Variants in MECOM observed in about 807,000 individuals in gnomAD.
MECOM encodes the protein MDS1 and EVI1 complex locus.
MECOM carries 13 observed loss-of-function variants against 116.3 expected under a neutral mutation model. The ratio of observed to expected loss-of-function variants is 0.11; its 90% confidence interval spans 0.07 to 0.18. MECOM has a LOEUF of 0.18. Ranked by LOEUF, MECOM falls within the 10% of genes least tolerant of loss-of-function variation. The pLI is 1.00. For synonymous variants in MECOM, 528 were observed against 535.2 expected (o/e 0.99, Z 0.19); for missense variants, 1,299 against 1,509.0 (o/e 0.86, Z 2.31).
intron 1 of MECOM, among the ~76,000 whole-genome samples, chr3:169,472,704 A>G (rs78177082): frequency 0.015 from 1,817 of 125,288 alleles, 104 homozygotes; most frequent in African/African-American, 0.056. Context: ...GAAGGGAAGG[A>G]AAGGAAGAAA....
intron 1 of MECOM, among the ~76,000 whole-genome samples, chr3:169,438,555 T>C (rs1409633974): frequency 1.3e-5 from 2 of 152,218 alleles, no homozygotes; most frequent in Non-Finnish European, 2.9e-5. Flanking sequence ...CAGTCATTTG[T>C]TGAGAGCTTA....
intron 1 of MECOM, among the ~76,000 whole-genome samples, chr3:169,535,509 C>T (rs369068295): frequency 7.2e-5 from 11 of 152,174 alleles, no homozygotes; most frequent in African/African-American, 1.9e-4. Context: ...ATCCTAAAGT[C>T]GTTCCAGAGC....
At chr3:169,594,052 C>A (rs759278503) in intron 1 of MECOM, among the ~76,000 whole-genome samples, 111 of 148,260 alleles carry the variant, frequency 7.5e-4, no homozygotes, top group Middle Eastern at 3.5e-3. Flanking sequence ...ACCCAGGAGG[C>A]AGAGGTTGCA....
intron 12 of MECOM, among the ~76,000 whole-genome samples, chr3:169,098,711 G>A (rs28631328): frequency 0.028 from 4,210 of 151,288 alleles, 208 homozygotes; most frequent in African/African-American, 0.098. Flanking sequence ...TTCTTTTTTT[G>A]AAGATGGGGT....
intron 1 of MECOM, among the ~76,000 whole-genome samples, chr3:169,560,659 T>C (rs997063282): frequency 6.6e-6 from 1 of 152,108 alleles, no homozygotes. Flanking sequence ...TGATATAGCA[T>C]ACTTCTGTTT....
At chr3:169,591,457 G>C (rs1027457673) in intron 1 of MECOM, among the ~76,000 whole-genome samples, 10 of 152,156 alleles carry the variant, frequency 6.6e-5, no homozygotes, top group African/African-American at 2.2e-4. Flanking sequence ...CAAGCCGAGA[G>C]AGAAAGCCAA....
chr3:169,220,941 GAAT>G (rs1416991713), intron 2 of MECOM, among the ~76,000 whole-genome samples: 2 of 152,112 alleles, frequency 1.3e-5, no homozygotes, highest in African/African-American at 4.8e-5. Flanking sequence ...CTAAATCAAT[GAAT>G]AAAGGAAGGA....
At chr3:169,558,714 T>C (rs1365782754) in intron 1 of MECOM, among the ~76,000 whole-genome samples, 1 of 152,210 alleles carries the variant, frequency 6.6e-6, no homozygotes, top group Non-Finnish European at 1.5e-5. Context: ...TTTTCAATTG[T>C]ATACTTTTCC....
chr3:169,433,972 T>C (rs572256178), intron 1 of MECOM, among the ~76,000 whole-genome samples: 1 of 152,314 alleles, frequency 6.6e-6, no homozygotes, highest in Non-Finnish European at 1.5e-5. Flanking sequence ...AAAGGGTTTA[T>C]TCTTAATAAT....
At chr3:169,411,053 T>G (rs1737482138) in intron 1 of MECOM, among the ~76,000 whole-genome samples, 1 of 152,142 alleles carries the variant, frequency 6.6e-6, no homozygotes, top group Non-Finnish European at 1.5e-5. Context: ...TATATGCATA[T>G]ACATAGGTTT....
chr3:169,625,363 C>T (rs1232135825), intron 1 of MECOM, among the ~76,000 whole-genome samples: 1 of 152,164 alleles, frequency 6.6e-6, no homozygotes, highest in Non-Finnish European at 1.5e-5. Context: ...TTCTCACTCT[C>T]ATTCCTGACA....
At chr3:169,646,181 T>C (rs867777860) in intron 1 of MECOM, among the ~76,000 whole-genome samples, 1 of 151,896 alleles carries the variant, frequency 6.6e-6, no homozygotes, top group Admixed American at 6.6e-5. Context: ...TTTGCTATTG[T>C]GAATAGTGCC....
At chr3:169,651,326 T>C (rs780350331) in intron 1 of MECOM, among the ~76,000 whole-genome samples, 9 of 152,224 alleles carry the variant, frequency 5.9e-5, no homozygotes, top group Non-Finnish European at 7.3e-5. Flanking sequence ...TATTGACTTG[T>C]GTATATTAAA....
chr3:169,485,971 T>TATAC (rs1375149283), intron 1 of MECOM, among the ~76,000 whole-genome samples: 2 of 64,180 alleles, frequency 3.1e-5, no homozygotes, highest in Admixed American at 1.8e-4. Flanking sequence ...ATACTATATA[T>TATAC]ACATATATAT....
At chr3:169,521,542 T>A (rs1188350040) in intron 1 of MECOM, among the ~76,000 whole-genome samples, 1 of 152,226 alleles carries the variant, frequency 6.6e-6, no homozygotes, top group Non-Finnish European at 1.5e-5. Flanking sequence ...CATCTCCAGA[T>A]GCCCTAGTGT....
chr3:169,401,198 G>T (rs1735836027), intron 1 of MECOM, among the ~76,000 whole-genome samples: 1 of 152,250 alleles, frequency 6.6e-6, no homozygotes, highest in East Asian at 1.9e-4. Flanking sequence ...TGATGCTCAC[G>T]TAATCCCTCC....
intron 1 of MECOM, among the ~76,000 whole-genome samples, chr3:169,653,970 A>T (rs531633537): frequency 6.6e-6 from 1 of 152,328 alleles, no homozygotes; most frequent in South Asian, 2.1e-4. Flanking sequence ...GGAATTTGAG[A>T]TTCAGCATCA....
intron 1 of MECOM, chr3:169,477,180 A>G (rs1750630053): frequency 7.2e-6 from 1 of 138,042 alleles, no homozygotes; most frequent in Non-Finnish European, 1.5e-5. Context: ...TGCAATAGGA[A>G]GTCTTCACAC....
chr3:169,125,717 T>G (rs1393702057), intron 5 of MECOM, among the ~76,000 whole-genome samples: 2 of 152,148 alleles, frequency 1.3e-5, no homozygotes, highest in Non-Finnish European at 2.9e-5. Flanking sequence ...TCAGTGAGAC[T>G]TCTCTGCTTT....
Sources: allele counts gnomAD v4.1 joint callset (sites outside exome capture counted in the v4.1 genomes callset), GRCh38; gene constraint gnomAD v4.1.1; transcripts MANE v1.5; gene names NCBI Gene and HGNC (gene_info 2026-07-23, HGNC 2026-07-21).